WDR41: variants seen among roughly 807,000 people sequenced by gnomAD.
WDR41 encodes the protein WD repeat-containing protein 41.
WDR41 carries 63 observed loss-of-function variants against 69.3 expected under a neutral mutation model. The ratio of observed to expected loss-of-function variants is 0.91; its 90% CI spans 0.74 to 1.12. The LOEUF (loss-of-function observed/expected upper bound fraction) is 1.12. Ranked by LOEUF, WDR41 falls within the 50% of genes most tolerant of loss-of-function variation. WDR41 has a pLI of 0.00. For missense variants in WDR41, 543 were observed against 534.5 expected (o/e 1.02, Z -0.16); for synonymous variants, 185 against 192.1 (o/e 0.96, Z 0.31).
At chr5:77,506,480 G>C (rs984438446) in intron 1 of WDR41, among the ~76,000 whole-genome samples, 2 of 152,144 alleles carry the variant, frequency 1.3e-5, no homozygotes, top group African/African-American at 4.8e-5. Flanking sequence ...ACAGTGTGGC[G>C]ATTCCTCAAG....
chr5:77,590,802 TGA>T (rs1744123024), intron 1 of WDR41, among the ~76,000 whole-genome samples: 1 of 152,220 alleles, frequency 6.6e-6, no homozygotes, highest in African/African-American at 2.4e-5. Context: ...ACAGTATTAA[TGA>T]GAGAGATTGG....
At chr5:77,583,981 T>TA (rs1462840819) in intron 1 of WDR41, among the ~76,000 whole-genome samples, 1 of 152,084 alleles carries the variant, frequency 6.6e-6, no homozygotes, top group Non-Finnish European at 1.5e-5. Flanking sequence ...ATCATTAGAA[T>TA]AAAAAACTAC....
At position 77,453,889 on chromosome 5, in the gene WDR41, C is replaced by G. The variant is rs755888280; in HGVS notation, c.451G>C (p.Gly151Arg). The G allele has an allele frequency of 1.9e-5, 30 of 1,614,048 alleles. No individual in the cohort carries two copies. In the South Asian group the frequency reaches 3.1e-4, roughly 17 times the overall value. The change falls in exon 6 of 13, where the codon GGT (glycine) becomes CGT (arginine). Residue 151 changes from glycine to arginine, a missense_variant. By Grantham distance (125) the Gly-to-Arg change is moderately radical. Coordinates refer to ENST00000296679, the MANE Select transcript of WDR41 (RefSeq NM_018268.4). ...VLQRLDVWLS[G>R]GNDLCVWNRK... ...TTCCACACACACAGGTCATTCCCAC[C>G]AGAAAGCCAAACATCTAGTCTCTGA... is the stretch of plus-strand genomic sequence containing the variant.
At chr5:77,464,845 C>G (rs1215953184) in intron 2 of WDR41, 36 bp from the exon 3 acceptor site, 1 of 1,599,808 alleles carries the variant, frequency 6.3e-7, no homozygotes, top group African/African-American at 1.3e-5. Context: ...AAAAAAATCA[C>G]TGGTGACATT....
chr5:77,502,473 C>T (rs1260920093), intron 1 of WDR41, among the ~76,000 whole-genome samples: 1 of 152,078 alleles, frequency 6.6e-6, no homozygotes, highest in Admixed American at 6.6e-5. Context: ...GAGAACATCC[C>T]CAACCTAGCA....
intron 1 of WDR41, among the ~76,000 whole-genome samples, chr5:77,605,802 C>T (rs138909659): frequency 1.3e-5 from 2 of 151,958 alleles, no homozygotes; most frequent in South Asian, 4.2e-4. Flanking sequence ...GTCAAATAAC[C>T]CTTTGTGCTT....
chr5:77,451,927 G>A (rs950912589), intron 6 of WDR41: 8 of 151,628 alleles, frequency 5.3e-5, no homozygotes, highest in African/African-American at 1.9e-4. Context: ...AATGATTTTA[G>A]CGTAACTATA....
chr5:77,463,151 A>G lies in WDR41; in HGVS notation c.292T>C (p.Ser98Pro). The change falls in exon 4 of 13, where the codon TCT becomes CCT. Residue 98 changes from serine (S) to proline (P), a missense_variant. Transcript: ENST00000296679. ...TAIITFPSLE[S>P]CEEKNQLILT... is the part of the protein sequence containing the mutation. ...ATGAGTTGATTTTTCTCTTCACAAGATTCCAAGGAAGGAAATGTAATAATA... is the reference window on the plus strand; with the variant it reads ...ATGAGTTGATTTTTCTCTTCACAAGGTTCCAAGGAAGGAAATGTAATAATA... 6.2e-7 allele frequency: 1 copy of G among 1,612,786 alleles called. No homozygotes were observed. Among genetic ancestry groups the G allele is most frequent in the South Asian group, 1.1e-5 (1 of 90,962 alleles).
intron 1 of WDR41, chr5:77,545,747 C>G (rs895294360): frequency 3.3e-6 from 2 of 604,158 alleles, no homozygotes; most frequent in Non-Finnish European, 5.6e-6. Flanking sequence ...AGGTTCAAGG[C>G]GTTTGTTGCC....
intron 1 of WDR41, among the ~76,000 whole-genome samples, chr5:77,563,756 T>G (rs1743566246): frequency 6.6e-6 from 1 of 152,184 alleles, no homozygotes; most frequent in African/African-American, 2.4e-5. Context: ...AAAACATTAT[T>G]TTTATATTAA....
At chr5:77,474,510 C>A (rs545495830) in intron 2 of WDR41, among the ~76,000 whole-genome samples, 1 of 152,228 alleles carries the variant, frequency 6.6e-6, no homozygotes, top group South Asian at 2.1e-4. Context: ...ATTAGAGAAG[C>A]ATCCAGATAG....
At chr5:77,553,624 A>G (rs1003727609) in intron 1 of WDR41, among the ~76,000 whole-genome samples, 2 of 152,258 alleles carry the variant, frequency 1.3e-5, no homozygotes, top group Admixed American at 1.3e-4. Flanking sequence ...AAAAAAATCT[A>G]TTAAATGAAC....
intron 1 of WDR41, among the ~76,000 whole-genome samples, chr5:77,600,688 T>C (rs1325137084): frequency 6.6e-6 from 1 of 152,066 alleles, no homozygotes; most frequent in Non-Finnish European, 1.5e-5. Context: ...AAGACCAGCC[T>C]GGACAAGATG....
At chr5:77,565,413 G>T (rs73126050) in intron 1 of WDR41, among the ~76,000 whole-genome samples, 22,449 of 152,004 alleles carry the variant, frequency 0.15, 2,495 homozygotes, top group African/African-American at 0.29. Context: ...GTCTGACAAG[G>T]ACAGTCTTCT....
intron 1 of WDR41, among the ~76,000 whole-genome samples, chr5:77,504,959 C>T (rs930190652): frequency 3.3e-5 from 5 of 152,018 alleles, no homozygotes; most frequent in South Asian, 2.1e-4. Flanking sequence ...CTTTGAAAAC[C>T]AGCACAAGAC....
At chr5:77,583,189 TA>T (rs58456813) in intron 1 of WDR41, 57,047 of 609,070 alleles carry the variant, frequency 0.094, 1,703 homozygotes, top group Admixed American at 0.21. Context: ...CAAATTGAAA[TA>T]AAAAAAAAAA....
chr5:77,479,121 G>T lies in WDR41; in HGVS notation c.167+10336C>A, dbSNP rs1173561083. ...CTAGGAATCCAACTTACAAGGGATG[G>T]GAAGGACCTCTTCAAGGAGAACTAC... On this transcript the variant is annotated intron_variant, in intron 2 of 12. Transcript: ENST00000296679. Among the ~76,000 whole-genome samples the T allele has an allele frequency of 7.2e-5, 11 of 151,900 alleles. 1 individual carries two copies. The highest frequency in any genetic ancestry group is 1.9e-4 in the African/African-American group (8 of 41,272).
At chr5:77,516,628 T>C (rs1802294960) in intron 1 of WDR41, among the ~76,000 whole-genome samples, 2 of 152,218 alleles carry the variant, frequency 1.3e-5, no homozygotes, top group African/African-American at 2.4e-5. Flanking sequence ...GTGTGGCCTC[T>C]GTATTATGAC....
chr5:77,517,029 A>G (rs1049996420), intron 1 of WDR41, among the ~76,000 whole-genome samples: 3 of 149,344 alleles, frequency 2.0e-5, no homozygotes, highest in African/African-American at 7.5e-5. Context: ...AAAAAAAAAA[A>G]GGAAAAAGAA....
Sources: gnomAD v4.1 joint callset for allele counts (sites outside exome capture counted in the v4.1 genomes callset) on GRCh38, gnomAD v4.1.1 for gene constraint, MANE v1.5 for transcripts, NCBI Gene and HGNC (gene_info 2026-07-23, HGNC 2026-07-21) for gene names.